TSHZ2: variants seen among roughly 807,000 people sequenced by gnomAD.
TSHZ2 encodes teashirt zinc finger homeobox 2.
In TSHZ2, 21 loss-of-function variants were observed where a neutral mutation model predicts 74.4. The observed-to-expected ratio is 0.28, with a 90% CI of 0.20 to 0.41. The LOEUF (loss-of-function observed/expected upper bound fraction) is 0.41, where lower values mean the gene tolerates loss of function less well. TSHZ2 is among the 10% of genes least tolerant of loss of function. The pLI is 1.00. For synonymous variants in TSHZ2, 540 were observed against 515.3 expected (o/e 1.05, Z -0.65); for missense variants, 1,244 against 1,293.5 (o/e 0.96, Z 0.59).
At chr20:53,114,038 G>A (rs1187723553) in intron 1 of TSHZ2, among the ~76,000 whole-genome samples, 2 of 150,592 alleles carry the variant, frequency 1.3e-5, no homozygotes, top group African/African-American at 4.9e-5. Context: ...TGGCTGCAGT[G>A]AGCTGTGATC....
chr20:53,160,154 GGGCAC>G lies in TSHZ2; in HGVS notation c.41-93344_41-93340del, dbSNP rs202023454. Among the ~76,000 whole-genome samples the G allele has an allele frequency of 8.4e-3, 1,284 of 152,292 alleles. 16 individuals are homozygous for G. Among genetic ancestry groups the G allele is most frequent in the African/African-American group, 0.03 (1,244 of 41,548 alleles). ...ATGTCTGAAGAACAGAATGCAGGAG[GGGCAC>G]ATGGGAGAGAGGAGATTGGGGAGGC... On this transcript the variant is annotated intron_variant, in intron 1 of 2. Coordinates refer to ENST00000371497, the MANE Select transcript of TSHZ2 (RefSeq NM_173485.6).
At chr20:53,135,772 T>C (rs2123398736) in intron 1 of TSHZ2, among the ~76,000 whole-genome samples, 1 of 151,832 alleles carries the variant, frequency 6.6e-6, no homozygotes, top group South Asian at 2.1e-4. Context: ...CCAGCTAATG[T>C]TTTATTTTTT....
chr20:53,462,877 A>G lies in TSHZ2; in HGVS notation c.*9-24267A>G, dbSNP rs550077832. Among the ~76,000 whole-genome samples the G allele has an allele frequency of 2.0e-5, 3 of 152,290 alleles. No homozygotes were observed. The East Asian group carries it at 5.8e-4, about 29-fold the overall frequency. ...GGATCCAAATCCAGGTTCCACCTCTAATAACCATAGTGACCCCAACTACTT... is the reference window on the plus strand; with the variant it reads ...GGATCCAAATCCAGGTTCCACCTCTGATAACCATAGTGACCCCAACTACTT... On this transcript the variant is annotated intron_variant, in intron 2 of 2. Transcript: ENST00000371497.
chr20:53,414,764 C>T (rs891337125), intron 2 of TSHZ2, among the ~76,000 whole-genome samples: 1 of 152,156 alleles, frequency 6.6e-6, no homozygotes, highest in Non-Finnish European at 1.5e-5. Context: ...AGCACATTTC[C>T]ATGTGAATCT....
At chr20:53,179,031 C>A (rs1007642019) in intron 1 of TSHZ2, 1 of 152,100 alleles carries the variant, frequency 6.6e-6, no homozygotes, top group African/African-American at 2.4e-5. Flanking sequence ...GGGGTCAAAC[C>A]CTTGCCAGTT....
intron 1 of TSHZ2, among the ~76,000 whole-genome samples, chr20:53,239,771 A>G (rs1002322896): frequency 6.6e-6 from 1 of 152,200 alleles, no homozygotes; most frequent in Non-Finnish European, 1.5e-5. Flanking sequence ...TTTTGCTATC[A>G]TAATTGTTAG....
At chr20:53,358,398 T>C (rs189388309) in intron 2 of TSHZ2, among the ~76,000 whole-genome samples, 1 of 131,812 alleles carries the variant, frequency 7.6e-6, no homozygotes, top group African/African-American at 2.9e-5. Flanking sequence ...TGGAGTGCAG[T>C]GGCAGGATCT....
intron 1 of TSHZ2, among the ~76,000 whole-genome samples, chr20:52,997,982 G>A (rs1448074636): frequency 6.6e-6 from 1 of 152,144 alleles, no homozygotes; most frequent in Non-Finnish European, 1.5e-5. Context: ...CCCCACCCCA[G>A]ACCTGCTTCA....
chr20:53,339,908 C>T (rs1364233617), intron 2 of TSHZ2, among the ~76,000 whole-genome samples: 1 of 152,194 alleles, frequency 6.6e-6, no homozygotes, highest in Non-Finnish European at 1.5e-5. Context: ...ACTTCCCAGC[C>T]CACCTGCAGC....
At chr20:53,123,451 G>A (rs898590310) in intron 1 of TSHZ2, among the ~76,000 whole-genome samples, 1 of 152,120 alleles carries the variant, frequency 6.6e-6, no homozygotes, top group African/African-American at 2.4e-5. Flanking sequence ...GCTGATCTAG[G>A]ACAGCCTCAA....
chr20:53,147,756 G>A (rs1987578033), intron 1 of TSHZ2, among the ~76,000 whole-genome samples: 1 of 152,116 alleles, frequency 6.6e-6, no homozygotes, highest in Admixed American at 6.5e-5. Context: ...TCATTCTGTT[G>A]CCCAGTCTGG....
intron 1 of TSHZ2, among the ~76,000 whole-genome samples, chr20:53,038,401 G>A (rs535975092): frequency 1.1e-4 from 17 of 152,120 alleles, no homozygotes; most frequent in African/African-American, 3.9e-4. Context: ...GAAGAGTGGA[G>A]GGTTGCTGTT....
intron 2 of TSHZ2, chr20:53,455,525 T>C (rs940388995): frequency 6.6e-6 from 1 of 152,196 alleles, no homozygotes; most frequent in African/African-American, 2.4e-5. Context: ...TTCATAAATG[T>C]ATACTAATAA....
chr20:53,152,054 A>G (rs1418881078), intron 1 of TSHZ2, among the ~76,000 whole-genome samples: 3 of 152,228 alleles, frequency 2.0e-5, no homozygotes, highest in Non-Finnish European at 4.4e-5. Flanking sequence ...AAGGTTGACA[A>G]ACTCTGATTT....
chr20:53,247,170 G>A (rs754772109), intron 1 of TSHZ2, among the ~76,000 whole-genome samples: 1 of 152,178 alleles, frequency 6.6e-6, no homozygotes. Flanking sequence ...TAACACTTAT[G>A]TTATATGTGG....
chr20:53,413,836 T>C (rs1366047858), intron 2 of TSHZ2, among the ~76,000 whole-genome samples: 3 of 152,154 alleles, frequency 2.0e-5, no homozygotes, highest in African/African-American at 7.2e-5. Flanking sequence ...AAAAATAATA[T>C]CTACATTATA....
At chr20:53,147,949 T>C (rs1468384001) in intron 1 of TSHZ2, among the ~76,000 whole-genome samples, 2 of 152,252 alleles carry the variant, frequency 1.3e-5, no homozygotes, top group East Asian at 3.9e-4. Flanking sequence ...TTCCTGACCT[T>C]GCGATCTGCC....
At chr20:53,296,185 G>T (rs1285064198) in intron 2 of TSHZ2, among the ~76,000 whole-genome samples, 1 of 151,658 alleles carries the variant, frequency 6.6e-6, no homozygotes, top group East Asian at 1.9e-4. Context: ...TCAGATCTAG[G>T]TCTGCGTTTT....
intron 1 of TSHZ2, among the ~76,000 whole-genome samples, chr20:52,976,393 A>G (rs1367046965): frequency 6.6e-6 from 1 of 152,120 alleles, no homozygotes; most frequent in Non-Finnish European, 1.5e-5. Context: ...AGCCTACAGT[A>G]CCCCAGGGGT....
Sources: allele counts gnomAD v4.1 joint callset (sites outside exome capture counted in the v4.1 genomes callset), GRCh38; gene constraint gnomAD v4.1.1; transcripts MANE v1.5; gene names NCBI Gene and HGNC (gene_info 2026-07-23, HGNC 2026-07-21).